Variants in GPC3 observed in about 807,000 individuals in gnomAD.
GPC3 encodes the protein glypican-3.
A neutral mutation model predicts 34.4 loss-of-function variants in GPC3; 3 were observed. The observed-to-expected ratio is 0.09, with a 90% CI of 0.04 to 0.23. The LOEUF is 0.23. GPC3 is among the 10% of genes least tolerant of loss of function. GPC3 has a pLI of 1.00. For missense variants in GPC3, 351 were observed against 445.6 expected, an observed-to-expected ratio of 0.79 and a Z score of 1.91; for synonymous variants, 177 against 174.0, an observed-to-expected ratio of 1.02 and a Z score of -0.13.
chrX:133,978,382 T>A (rs1223870364), intron 1 of GPC3, among the ~76,000 whole-genome samples: 1 of 112,306 alleles, frequency 8.9e-6, no homozygotes, highest in Non-Finnish European at 1.9e-5. Context: ...ATACCACAGA[T>A]CTGTAAGGTG....
chrX:133,849,084 CTTTTTTTTTT>C (rs60339728), intron 2 of GPC3, among the ~76,000 whole-genome samples: 7 of 46,279 alleles, frequency 1.5e-4, no homozygotes, highest in African/African-American at 2.0e-4. Context: ...ACTAAAGTTT[CTTTTTTTTTT>C]TTTTTTTTTT....
intron 7 of GPC3, among the ~76,000 whole-genome samples, chrX:133,582,854 C>T (rs1201873777): frequency 9.0e-6 from 1 of 110,926 alleles, no homozygotes; most frequent in Non-Finnish European, 1.9e-5. Context: ...ATTGACAATA[C>T]AGCAATCAGC....
chrX:133,718,710 A>C (rs767669913), intron 3 of GPC3, among the ~76,000 whole-genome samples: 1 of 111,729 alleles, frequency 9.0e-6, no homozygotes, highest in Admixed American at 9.6e-5. Context: ...TACAAGAGAC[A>C]CACTTTAGAT....
At chrX:133,563,681 G>A (rs2069557940) in intron 7 of GPC3, among the ~76,000 whole-genome samples, 1 of 111,807 alleles carries the variant, frequency 8.9e-6, no homozygotes. Flanking sequence ...AGCACATGGA[G>A]CATTTCTGAG....
chrX:133,719,226 C>A (rs767563052), intron 3 of GPC3, among the ~76,000 whole-genome samples: 1 of 111,539 alleles, frequency 9.0e-6, no homozygotes, highest in Non-Finnish European at 1.9e-5. Context: ...AGTTTGAAAT[C>A]ATACATTTTC....
intron 6 of GPC3, among the ~76,000 whole-genome samples, chrX:133,610,071 A>G (rs1352497544): frequency 7.1e-5 from 8 of 112,099 alleles, no homozygotes; most frequent in African/African-American, 2.6e-4. Context: ...TAAGAAGGTT[A>G]TTAGAATTTA....
chrX:133,769,961 G>A (rs2071896786), intron 2 of GPC3, among the ~76,000 whole-genome samples: 1 of 112,403 alleles, frequency 8.9e-6, no homozygotes, highest in Non-Finnish European at 1.9e-5. Flanking sequence ...TCAGCCACAA[G>A]AGCTGCCTGT....
chrX:133,601,235 G>A (rs990139074), intron 6 of GPC3, among the ~76,000 whole-genome samples: 2 of 111,881 alleles, frequency 1.8e-5, no homozygotes, highest in Admixed American at 9.5e-5. Context: ...ATATAGAAAC[G>A]TGAAAGGAAA....
Position 133,715,266 on chromosome X carries a change from C to A in GPC3, c.1033-15238G>T, listed in dbSNP as rs866711815. On this transcript the variant is annotated intron_variant, in intron 3 of 7. Transcript: ENST00000370818. ...AGCTTTTGGACTCTTGGACTTAACACCAGTGGTTTGCCAGGGGCACTTGGG... is the reference window on the plus strand; with the variant it reads ...AGCTTTTGGACTCTTGGACTTAACAACAGTGGTTTGCCAGGGGCACTTGGG... Among the ~76,000 whole-genome samples, 3 of 112,030 alleles carry A rather than the reference C, an allele frequency of 2.7e-5. No homozygotes were observed. In the South Asian group the frequency reaches 1.1e-3, roughly 42 times the overall value.
chrX:133,661,361 A>G (rs1398198093), intron 6 of GPC3, among the ~76,000 whole-genome samples: 1 of 111,534 alleles, frequency 9.0e-6, no homozygotes, highest in Non-Finnish European at 1.9e-5. Flanking sequence ...AACAGTTGGG[A>G]TAAAATAGTG....
chrX:133,664,863 C>T (rs1770297822), intron 5 of GPC3, among the ~76,000 whole-genome samples: 1 of 108,418 alleles, frequency 9.2e-6, no homozygotes, highest in East Asian at 2.8e-4. Flanking sequence ...TTGGATGCTG[C>T]AGTGTTGAGC....
At chrX:133,649,778 A>G (rs2070579266) in intron 6 of GPC3, among the ~76,000 whole-genome samples, 1 of 111,495 alleles carries the variant, frequency 9.0e-6, no homozygotes, top group Non-Finnish European at 1.9e-5. Flanking sequence ...TTTCCATGGT[A>G]TCCCAGGCAG....
chrX:133,626,057 A>G (rs2070295174), intron 6 of GPC3, among the ~76,000 whole-genome samples: 1 of 112,117 alleles, frequency 8.9e-6, no homozygotes, highest in Non-Finnish European at 1.9e-5. Context: ...AAAAACAAGA[A>G]ATGGGGAAAG....
intron 2 of GPC3, among the ~76,000 whole-genome samples, chrX:133,910,407 C>T (rs1010708514): frequency 9.0e-6 from 1 of 110,610 alleles, no homozygotes; most frequent in African/African-American, 3.3e-5. Context: ...ATGTATATAA[C>T]AGAATGGAAA....
chrX:133,767,578 A>G (rs891875720), intron 2 of GPC3, among the ~76,000 whole-genome samples: 5 of 111,632 alleles, frequency 4.5e-5, no homozygotes, highest in African/African-American at 1.6e-4. Flanking sequence ...CTTAGGACTC[A>G]GTTTCCTGCA....
intron 7 of GPC3, among the ~76,000 whole-genome samples, chrX:133,544,002 G>A (rs114059899): frequency 0.014 from 1,513 of 111,734 alleles, 38 homozygotes; most frequent in African/African-American, 0.047. Context: ...AGGCCAAGGG[G>A]GATGGGTCAC....
intron 6 of GPC3, among the ~76,000 whole-genome samples, chrX:133,658,628 A>T (rs148374550): frequency 0.05 from 5,625 of 111,869 alleles, 348 homozygotes; most frequent in African/African-American, 0.17. Context: ...AAAGCAACAC[A>T]GATGAGAAAA....
intron 3 of GPC3, among the ~76,000 whole-genome samples, chrX:133,733,403 C>G (rs2071480673): frequency 9.0e-6 from 1 of 110,856 alleles, no homozygotes; most frequent in Non-Finnish European, 1.9e-5. Flanking sequence ...TATATTTCAT[C>G]CATGTAACAA....
chrX:133,891,958 T>C (rs73568914), intron 2 of GPC3, among the ~76,000 whole-genome samples: 3,066 of 111,191 alleles, frequency 0.028, 106 homozygotes, highest in African/African-American at 0.095. Context: ...TTAGGTACTT[T>C]AGATTCTTCA....
Sources: allele counts gnomAD v4.1 joint callset (sites outside exome capture counted in the v4.1 genomes callset), GRCh38; gene constraint gnomAD v4.1.1; transcripts MANE v1.5; gene names NCBI Gene and HGNC (gene_info 2026-07-23, HGNC 2026-07-21).